The following CCSAP variants were observed in gnomAD, a reference collection of about 807,000 sequenced individuals.
CCSAP encodes centriole, cilia and spindle-associated protein.
Under a neutral mutation model 25.9 loss-of-function variants are expected in CCSAP, and 17 were observed. The observed-to-expected ratio is 0.66, with a 90% CI of 0.45 to 0.99. The LOEUF (loss-of-function observed/expected upper bound fraction) is 0.99, where lower values mean the gene tolerates loss of function less well. CCSAP is among the 50% of genes least tolerant of loss of function. The probability of loss-of-function intolerance (pLI) is 0.00; values close to 1 mark genes in which losing one functional copy is unlikely to be tolerated. For synonymous variants in CCSAP, 169 were observed against 157.1 expected (o/e 1.08, Z -0.57); for missense variants, 339 against 367.8 (o/e 0.92, Z 0.64).
At chr1:229,334,202 C>T (rs762938236) in intron 2 of CCSAP, among the ~76,000 whole-genome samples, 1 of 152,194 alleles carries the variant, frequency 6.6e-6, no homozygotes, top group Non-Finnish European at 1.5e-5. Context: ...ACCCAAATAG[C>T]TGGGATTACA....
intron 2 of CCSAP, among the ~76,000 whole-genome samples, chr1:229,332,584 G>A (rs1658095187): frequency 6.6e-6 from 1 of 152,180 alleles, no homozygotes. Flanking sequence ...ACCAGTTATG[G>A]TGGAAGATTA....
intron 2 of CCSAP, among the ~76,000 whole-genome samples, chr1:229,333,430 C>CT (rs773509234): frequency 2.0e-5 from 1 of 50,276 alleles, no homozygotes; most frequent in African/African-American, 7.8e-5. Flanking sequence ...GAGACTCCAT[C>CT]GAAAAAAAAA....
intron 2 of CCSAP, among the ~76,000 whole-genome samples, chr1:229,336,999 A>G (rs1658209710): frequency 6.6e-6 from 1 of 152,158 alleles, no homozygotes; most frequent in Non-Finnish European, 1.5e-5. Context: ...CATTGTAGAA[A>G]CATTTTTAAG....
chr1:229,324,525 C>T lies in CCSAP; in HGVS notation c.*710G>A, dbSNP rs1272806884. 5.3e-5 allele frequency: 8 copies of T among 152,262 alleles called. No homozygotes were observed. The highest frequency in any genetic ancestry group is 1.2e-4 in the Non-Finnish European group (8 of 68,004). 9.4% of individuals were successfully genotyped at this position (152,262 alleles called of 1,614,324 possible). A position where few individuals can be genotyped will look rare whatever the true frequency, so the allele number is the denominator to read the frequency against. Reference sequence around the variant, plus strand: ...CACACATATTGTGTTGTGTGCACTTCGTCTATTGGAATGTACTTGAGCTAT... The same window carrying T: ...CACACATATTGTGTTGTGTGCACTTTGTCTATTGGAATGTACTTGAGCTAT... On this transcript the variant is annotated 3_prime_UTR_variant, in exon 4 of 4. Coordinates refer to ENST00000284617, the MANE Select transcript of CCSAP (RefSeq NM_145257.5).
At chr1:229,334,504 A>AG (rs1658150406) in intron 2 of CCSAP, among the ~76,000 whole-genome samples, 1 of 152,182 alleles carries the variant, frequency 6.6e-6, no homozygotes, top group South Asian at 2.1e-4. Context: ...AAAGAAAGGC[A>AG]GGGGGCAAAA....
chr1:229,336,734 G>A (rs1266388564), intron 2 of CCSAP, among the ~76,000 whole-genome samples: 1 of 152,144 alleles, frequency 6.6e-6, no homozygotes, highest in Non-Finnish European at 1.5e-5. Flanking sequence ...TGCAGAAAAA[G>A]GCAAGGCAGG....
intron 2 of CCSAP, among the ~76,000 whole-genome samples, chr1:229,334,570 A>G (rs1672742796): frequency 6.6e-6 from 1 of 152,184 alleles, no homozygotes. Context: ...ATAAACCCAA[A>G]GAAAATTAAA....
Position 229,324,109 on chromosome 1 carries a change from G to A in CCSAP, c.*1126C>T, listed in dbSNP as rs866426334. ...CACACCACCATTCTCTCCCATTAAA[G>A]TGTAGATAAGATCTACTGGCTAGGA... On this transcript the variant is annotated 3_prime_UTR_variant, in exon 4 of 4. Transcript: ENST00000284617. The A allele has an allele frequency of 1.3e-5, 2 of 152,618 alleles. No individual in the cohort carries two copies. The highest frequency in any genetic ancestry group is 4.1e-4 in the South Asian group (2 of 4,832). The allele number at this position is 152,618 out of a possible 1,614,324, so 9.5% of individuals were successfully genotyped here. A position where few individuals can be genotyped will look rare whatever the true frequency, so the allele number is the denominator to read the frequency against.
rs1657807269 is a variant in CCSAP, at chr1:229,321,084, A to C, written c.*4151T>G. On this transcript the variant is annotated 3_prime_UTR_variant, in exon 4 of 4. Coordinates refer to ENST00000284617, the MANE Select transcript of CCSAP (RefSeq NM_145257.5). ...ATTAACTATAAGCTAAAAACAATAC[A>C]TAGTTCTTAGAAAATACAACCCCGA... 6.6e-6 allele frequency: 1 copy of C among 152,228 alleles called. No individual in the cohort carries two copies. The highest frequency in any genetic ancestry group is 2.4e-5 in the African/African-American group (1 of 41,450). 9.4% of individuals were successfully genotyped at this position (152,228 alleles called of 1,614,324 possible).
chr1:229,324,041 C>T lies in CCSAP; in HGVS notation c.*1194G>A, dbSNP rs529810486. 2 of 152,710 alleles carry T rather than the reference C, an allele frequency of 1.3e-5. No individual in the cohort carries two copies. Among genetic ancestry groups the T allele is most frequent in the African/African-American group, 4.8e-5 (2 of 41,550 alleles). 9.5% of individuals were successfully genotyped at this position (152,710 alleles called of 1,614,324 possible). A position where few individuals can be genotyped will look rare whatever the true frequency, so the allele number is the denominator to read the frequency against. On this transcript the variant is annotated 3_prime_UTR_variant, in exon 4 of 4. Transcript: ENST00000284617. ...TTTTTCTACCCCCAAAGCAAACATA[C>T]TAAAGAGAAGGAGCACTATTTACAT...
rs768528139 is a variant in CCSAP, at chr1:229,340,393, G to GA, written c.367+1705dup. 20 of 716,570 alleles carry GA rather than the reference G, an allele frequency of 2.8e-5. No individual in the cohort carries two copies. The South Asian group carries it at 3.0e-4, about 11-fold the overall frequency. 44.4% of individuals were successfully genotyped at this position (716,570 alleles called of 1,614,324 possible). ...GGAAACCAAAATAATCATGAACTCA[G>GA]AGCTTACCTGAGCTGGTAAATACAG... On this transcript the variant is annotated intron_variant, in intron 2 of 3. Transcript: ENST00000284617.
intron 2 of CCSAP, among the ~76,000 whole-genome samples, chr1:229,339,733 C>T (rs1658285632): frequency 6.6e-6 from 1 of 152,120 alleles, no homozygotes; most frequent in Admixed American, 6.5e-5. Flanking sequence ...GATAGTGAAC[C>T]TGATGTGTTG....
Position 229,321,531 on chromosome 1 carries a change from AT to A in CCSAP, c.*3703del, listed in dbSNP as rs879833137. On this transcript the variant is annotated 3_prime_UTR_variant, in exon 4 of 4. Transcript: ENST00000284617. ...TTTTAAGATCACTCTTTAAAATATC[AT>A]TTTACTGATCACAAAATTATATAAT... 119 of 152,204 alleles carry A rather than the reference AT, an allele frequency of 7.8e-4. No homozygotes were observed. Among genetic ancestry groups the A allele is most frequent in the Non-Finnish European group, 1.5e-3 (99 of 68,032 alleles). The allele number at this position is 152,204 out of a possible 1,614,324, so 9.4% of individuals were successfully genotyped here.
At chr1:229,334,158 C>A (rs1433005622) in intron 2 of CCSAP, among the ~76,000 whole-genome samples, 1 of 152,174 alleles carries the variant, frequency 6.6e-6, no homozygotes, top group Admixed American at 6.5e-5. Context: ...GTGACCTCCA[C>A]CTCCTGGGTT....
In CCSAP at chr1:229,326,938, G is replaced by A. The variant is rs1657954743; in HGVS notation, c.436C>T (p.Pro146Ser). The A allele has an allele frequency of 6.2e-7, 1 of 1,614,014 alleles. No homozygotes were observed. The highest frequency in any genetic ancestry group is 8.5e-7 in the Non-Finnish European group (1 of 1,180,024). ...QTRTRETDKS[P>S]TSTEPRQQPS... ...TGCTGTCGAGGCTCAGTACTGGTGGGTGATTTGTCAGTCTCTCTTGTTCTG... is the reference window on the plus strand; with the variant it reads ...TGCTGTCGAGGCTCAGTACTGGTGGATGATTTGTCAGTCTCTCTTGTTCTG... The change falls in exon 3 of 4, where the codon CCC becomes TCC. Residue 146 changes from proline to serine, a missense_variant. Coordinates refer to ENST00000284617, the MANE Select transcript of CCSAP (RefSeq NM_145257.5).
At chr1:229,341,865 G>A (rs1374114396) in intron 2 of CCSAP, among the ~76,000 whole-genome samples, 1 of 151,900 alleles carries the variant, frequency 6.6e-6, no homozygotes, top group Admixed American at 6.6e-5. Context: ...AGCCAGCGGC[G>A]CTTCAATTGA....
At chr1:229,339,899 G>C (rs931714411) in intron 2 of CCSAP, among the ~76,000 whole-genome samples, 1 of 152,120 alleles carries the variant, frequency 6.6e-6, no homozygotes, top group Non-Finnish European at 1.5e-5. Flanking sequence ...CCGTGTGTGT[G>C]TGGGTGAGGA....
rs544845506 is a variant in CCSAP at position 229,335,412 on chromosome 1, C to T, written c.367+6687G>A. The stretch of plus-strand genomic sequence containing the variant: ...ATTCTCTTTTCCAAAAGTTCAGCAT[C>T]AATCAGCACCCCAGCCCTCGTGCTC... On this transcript the variant is annotated intron_variant, in intron 2 of 3. Transcript: ENST00000284617. Among the ~76,000 whole-genome samples the T allele has an allele frequency of 3.9e-5, 6 of 152,308 alleles. No individual in the cohort carries two copies. The South Asian group carries it at 1.2e-3, about 32-fold the overall frequency.
rs1487277801 is a variant in CCSAP at position 229,323,407 on chromosome 1, T to C, written c.*1828A>G. On this transcript the variant is annotated 3_prime_UTR_variant, in exon 4 of 4. Transcript: ENST00000284617. ...CTCTAAGGCCGTCTTTCCTAGATTG[T>C]CAGCTGCAACACAAGCCTGAGCTGG... is the stretch of plus-strand genomic sequence containing the variant. 6.6e-6 allele frequency: 1 copy of C among 152,242 alleles called. No individual in the cohort carries two copies. The highest frequency in any genetic ancestry group is 2.4e-5 in the African/African-American group (1 of 41,466). 9.4% of individuals were successfully genotyped at this position (152,242 alleles called of 1,614,324 possible).
Sources: gnomAD v4.1 joint callset for allele counts (sites outside exome capture counted in the v4.1 genomes callset) on GRCh38, gnomAD v4.1.1 for gene constraint, MANE v1.5 for transcripts, NCBI Gene and HGNC (gene_info 2026-07-23, HGNC 2026-07-21) for gene names.